The following DNAJC1 variants were observed in gnomAD, a reference collection of about 807,000 sequenced individuals.
The protein encoded by DNAJC1 is dnaJ homolog subfamily C member 1.
In DNAJC1, 58 loss-of-function variants were observed where a neutral mutation model predicts 76.6. The observed-to-expected ratio is 0.76, with a 90% CI of 0.61 to 0.94. DNAJC1 has a LOEUF of 0.94. Ranked by LOEUF, DNAJC1 falls within the 40% of genes least tolerant of loss-of-function variation. The probability of loss-of-function intolerance (pLI) is 0.00; values close to 1 mark genes in which losing one functional copy is unlikely to be tolerated. For synonymous variants in DNAJC1, 258 were observed against 267.9 expected, an observed-to-expected ratio of 0.96 and a Z score of 0.36; for missense variants, 689 against 677.3, an observed-to-expected ratio of 1.02 and a Z score of -0.19.
chr10:21,775,590 G>T (rs113581559), intron 9 of DNAJC1, among the ~76,000 whole-genome samples: 5 of 151,930 alleles, frequency 3.3e-5, no homozygotes, highest in African/African-American at 1.2e-4. Flanking sequence ...CCATGACCAC[G>T]GTCATCACCA....
chr10:21,952,383 CT>C (rs924800430), intron 1 of DNAJC1, among the ~76,000 whole-genome samples: 5 of 152,028 alleles, frequency 3.3e-5, no homozygotes, highest in Non-Finnish European at 5.9e-5. Context: ...TCACTGAATG[CT>C]TTATGAGACA....
At chr10:21,830,763 T>C (rs550914516) in intron 8 of DNAJC1, among the ~76,000 whole-genome samples, 1 of 152,354 alleles carries the variant, frequency 6.6e-6, no homozygotes, top group South Asian at 2.1e-4. Context: ...ATCTGTTGGT[T>C]CTACATTCTG....
chr10:21,970,525 G>A (rs768178749), intron 1 of DNAJC1, among the ~76,000 whole-genome samples: 13 of 151,976 alleles, frequency 8.6e-5, no homozygotes, highest in South Asian at 2.1e-4. Context: ...TTTATCAAGA[G>A]GGGAGAAAAT....
intron 1 of DNAJC1, among the ~76,000 whole-genome samples, chr10:21,982,826 AT>A (rs2131839109): frequency 6.6e-6 from 1 of 152,352 alleles, no homozygotes; most frequent in Admixed American, 6.5e-5. Context: ...ATGAAAAACA[AT>A]TTGGTGGTTC....
At chr10:21,962,479 T>G (rs1020412080) in intron 1 of DNAJC1, among the ~76,000 whole-genome samples, 7 of 133,266 alleles carry the variant, frequency 5.3e-5, no homozygotes, top group Non-Finnish European at 1.1e-4. Flanking sequence ...TTTTTTTTTT[T>G]TTTGAGACAG....
At chr10:21,835,938 A>C (rs1376487775) in intron 8 of DNAJC1, among the ~76,000 whole-genome samples, 1 of 152,208 alleles carries the variant, frequency 6.6e-6, no homozygotes, top group Non-Finnish European at 1.5e-5. Context: ...CCAATCTAGC[A>C]AGGCAGGCCA....
intron 1 of DNAJC1, among the ~76,000 whole-genome samples, chr10:21,998,501 A>G (rs1838457758): frequency 6.6e-6 from 1 of 152,056 alleles, no homozygotes; most frequent in Non-Finnish European, 1.5e-5. Flanking sequence ...GCAGGAACCT[A>G]TAATTTAAGA....
At chr10:21,931,104 C>T (rs959107046) in intron 1 of DNAJC1, among the ~76,000 whole-genome samples, 4 of 152,186 alleles carry the variant, frequency 2.6e-5, no homozygotes, top group African/African-American at 7.2e-5. Flanking sequence ...TGTGGTCAGA[C>T]GGCTCTCCTA....
Position 21,756,613 on chromosome 10 carries a change from A to C in DNAJC1, c.*74T>G. On this transcript the variant is annotated 3_prime_UTR_variant, in exon 12 of 12. Coordinates refer to ENST00000376980, the MANE Select transcript of DNAJC1 (RefSeq NM_022365.4). The stretch of plus-strand genomic sequence containing the variant: ...ATGACGTAGAAATATTGAGGTACAA[A>C]ATGCAAATTTCTGCATAAGATTTTT... The C allele has an allele frequency of 8.6e-7, 1 of 1,162,422 alleles. No individual in the cohort carries two copies. Among genetic ancestry groups the C allele is most frequent in the Non-Finnish European group, 1.3e-6 (1 of 777,338 alleles). The allele number at this position is 1,162,422 out of a possible 1,614,324, so 72.0% of individuals were successfully genotyped here.
intron 1 of DNAJC1, among the ~76,000 whole-genome samples, chr10:21,964,817 A>G (rs1837863753): frequency 6.6e-6 from 1 of 151,556 alleles, no homozygotes; most frequent in African/African-American, 2.4e-5. Context: ...GAATTCCAGT[A>G]TTGAGGTTAT....
Position 21,759,497 on chromosome 10 carries a change from C to G in DNAJC1, c.1269G>C (p.Glu423Asp), listed in dbSNP as rs760308256. 1.3e-5 allele frequency: 21 copies of G among 1,614,088 alleles called. No homozygotes were observed. Among genetic ancestry groups the G allele is most frequent in the East Asian group, 6.7e-5 (3 of 44,892 alleles). The stretch of plus-strand genomic sequence containing the variant: ...CACCGGAGTCTCCCTCCTGCTCCTC[C>G]TCCGCTGCCACCCCCTCTGCGTCCT... ...QREDAEGVAA[E>D]EEQEGDSGEQ... The change falls in exon 11 of 12, where the codon GAG becomes GAC. Residue 423 changes from glutamate (E) to aspartate (D), a missense_variant. Physicochemically the swap from Glu to Asp is conservative, Grantham distance 45. Transcript: ENST00000376980.
intron 8 of DNAJC1, among the ~76,000 whole-genome samples, chr10:21,836,039 T>C (rs1835447804): frequency 6.6e-6 from 1 of 152,012 alleles, no homozygotes; most frequent in African/African-American, 2.4e-5. Context: ...TTCACCAAAG[T>C]TGAAATGAAG....
intron 8 of DNAJC1, among the ~76,000 whole-genome samples, chr10:21,816,243 C>T (rs1195995603): frequency 6.6e-6 from 1 of 151,496 alleles, no homozygotes; most frequent in Non-Finnish European, 1.5e-5. Context: ...GCCTGTAATC[C>T]CAGCTACTTG....
chr10:21,848,716 G>A (rs1206459967), intron 8 of DNAJC1, among the ~76,000 whole-genome samples: 1 of 152,086 alleles, frequency 6.6e-6, no homozygotes, highest in Non-Finnish European at 1.5e-5. Context: ...CATTCTCCAG[G>A]ATAAAACATG....
At chr10:21,879,384 GAGGCTGAGA>G (rs1836235557) in intron 8 of DNAJC1, among the ~76,000 whole-genome samples, 3 of 152,132 alleles carry the variant, frequency 2.0e-5, no homozygotes, top group African/African-American at 7.2e-5. Flanking sequence ...AGCACTTTAG[GAGGCTGAGA>G]CAGGCGGATC....
At chr10:21,886,633 G>A (rs1836369632) in intron 7 of DNAJC1, among the ~76,000 whole-genome samples, 1 of 152,138 alleles carries the variant, frequency 6.6e-6, no homozygotes, top group South Asian at 2.1e-4. Context: ...CCTCAATCAA[G>A]TATTCTTCAA....
intron 8 of DNAJC1, among the ~76,000 whole-genome samples, chr10:21,837,105 G>A (rs888294859): frequency 2.0e-5 from 3 of 152,372 alleles, no homozygotes; most frequent in African/African-American, 7.2e-5. Context: ...TGGAGATGGG[G>A]TTTCGCTGTG....
At chr10:21,985,616 T>C (rs1838232998) in intron 1 of DNAJC1, among the ~76,000 whole-genome samples, 1 of 152,190 alleles carries the variant, frequency 6.6e-6, no homozygotes, top group Admixed American at 6.5e-5. Context: ...ATCATACATG[T>C]AGTTGTTTTG....
chr10:22,003,641 G>C lies in DNAJC1; in HGVS notation c.-207C>G, dbSNP rs1044635492. The C allele has an allele frequency of 4.0e-5, 19 of 476,900 alleles. No homozygotes were observed. The highest frequency in any genetic ancestry group is 5.7e-5 in the Non-Finnish European group (17 of 298,420). The allele number at this position is 476,900 out of a possible 1,614,324, so 29.5% of individuals were successfully genotyped here. On this transcript the variant is annotated 5_prime_UTR_variant, in exon 1 of 12. Coordinates refer to ENST00000376980, the MANE Select transcript of DNAJC1 (RefSeq NM_022365.4). ...GGACGGGCGGGTGGGTAGGCGGGCG[G>C]GGCCGCAGCCAGCGCTACGTTCCGA...
Sources: allele counts gnomAD v4.1 joint callset (sites outside exome capture counted in the v4.1 genomes callset), GRCh38; gene constraint gnomAD v4.1.1; transcripts MANE v1.5; gene names NCBI Gene and HGNC (gene_info 2026-07-23, HGNC 2026-07-21).